ADAMTS20: variants seen among roughly 807,000 people sequenced by gnomAD.
ADAMTS20 encodes the protein A disintegrin and metalloproteinase with thrombospondin motifs 20.
Under a neutral mutation model 260.1 loss-of-function variants are expected in ADAMTS20, and 225 were observed. The observed-to-expected ratio is 0.87, with a 90% confidence interval of 0.78 to 0.97. The LOEUF is 0.97. Among genes scored for constraint, ADAMTS20 ranks in the 50% least tolerant of loss-of-function variants. The probability of loss-of-function intolerance (pLI) is 0.00; values close to 1 mark genes in which losing one functional copy is unlikely to be tolerated. For missense variants in ADAMTS20, 2,400 were observed against 2,337.7 expected (o/e 1.03, Z -0.55); for synonymous variants, 802 against 769.5 (o/e 1.04, Z -0.70).
chr12:43,445,807 G>T (rs1382662979), intron 15 of ADAMTS20, among the ~76,000 whole-genome samples: 1 of 152,082 alleles, frequency 6.6e-6, no homozygotes, highest in African/African-American at 2.4e-5. Context: ...AGCTATGATT[G>T]TGCCACTGTA....
chr12:43,449,502 C>T lies in ADAMTS20; in HGVS notation c.2079+2772G>A, dbSNP rs186094459. ...CCTGCTGAGGGTGGAGGGTAGGAGGCGCGAGAGGATCAGAAAAAGTAACTA... is the reference window on the plus strand; with the variant it reads ...CCTGCTGAGGGTGGAGGGTAGGAGGTGCGAGAGGATCAGAAAAAGTAACTA... On this transcript the variant is annotated intron_variant, in intron 14 of 38. Transcript: ENST00000389420. 2.5e-3 allele frequency among the ~76,000 whole-genome samples: 380 copies of T among 151,766 alleles called. 3 individuals are homozygous for T. The highest frequency in any genetic ancestry group is 4.1e-3 in the Non-Finnish European group (280 of 67,890).
At chr12:43,496,475 G>A (rs902430626) in intron 4 of ADAMTS20, among the ~76,000 whole-genome samples, 3 of 152,148 alleles carry the variant, frequency 2.0e-5, no homozygotes, top group Non-Finnish European at 4.4e-5. Flanking sequence ...TCAAAACCCT[G>A]CTGCAACACA....
intron 36 of ADAMTS20, among the ~76,000 whole-genome samples, chr12:43,373,823 GCGCC>G (rs1940161122): frequency 6.7e-6 from 1 of 150,040 alleles, no homozygotes; most frequent in East Asian, 1.9e-4. Context: ...GGGACTACAG[GCGCC>G]CGCCACTACG....
At chr12:43,443,003 G>A (rs1941696127) in intron 16 of ADAMTS20, among the ~76,000 whole-genome samples, 1 of 152,054 alleles carries the variant, frequency 6.6e-6, no homozygotes, top group Non-Finnish European at 1.5e-5. Flanking sequence ...GAGATAGGCT[G>A]TTCATTATAG....
rs1592035309 is a variant in ADAMTS20, at chr12:43,377,442, C to T, written c.4918G>A (p.Val1640Met). ...RPIVYQECPV[V>M]PSSQVYQCIN... ...CATTGGTAAACCTGAGAGGAAGGCA[C>T]CACAGGGCATTCTTGATAAACTATA... The change falls in exon 32 of 39, where the codon GTG (valine) becomes ATG (methionine). Residue 1640 changes from valine (V) to methionine (M), a missense_variant. Val to Met is a conservative substitution (Grantham distance 21). Coordinates refer to ENST00000389420, the MANE Select transcript of ADAMTS20 (RefSeq NM_025003.5). 6.2e-7 allele frequency: 1 copy of T among 1,613,504 alleles called. No homozygotes were observed. The highest frequency in any genetic ancestry group is 8.5e-7 in the Non-Finnish European group (1 of 1,179,698).
intron 7 of ADAMTS20, among the ~76,000 whole-genome samples, chr12:43,479,625 A>G (rs1178924080): frequency 6.6e-6 from 1 of 152,122 alleles, no homozygotes; most frequent in Non-Finnish European, 1.5e-5. Context: ...TGATTTACAT[A>G]CATTTAGAAT....
At chr12:43,360,746 G>A (rs1360644457) in intron 37 of ADAMTS20, among the ~76,000 whole-genome samples, 2 of 152,096 alleles carry the variant, frequency 1.3e-5, no homozygotes, top group Admixed American at 1.3e-4. Flanking sequence ...TAACAAGAGA[G>A]ATCACATGAA....
intron 2 of ADAMTS20, among the ~76,000 whole-genome samples, chr12:43,545,864 C>A (rs1943435163): frequency 6.6e-6 from 1 of 152,064 alleles, no homozygotes. Context: ...ACAGACACTT[C>A]CCCTAACTAA....
chr12:43,391,496 A>G (rs1488268924), intron 29 of ADAMTS20, among the ~76,000 whole-genome samples: 1 of 152,206 alleles, frequency 6.6e-6, no homozygotes, highest in East Asian at 1.9e-4. Flanking sequence ...GTAAAGCCAT[A>G]TAATAACAGA....
Position 43,492,690 on chromosome 12 carries a change from G to A in ADAMTS20, c.952-61C>T, listed in dbSNP as rs12304127. 14 of 1,578,872 alleles carry A rather than the reference G, an allele frequency of 8.9e-6. No individual in the cohort carries two copies. The African/African-American group carries it at 1.5e-4, about 17-fold the overall frequency. The stretch of plus-strand genomic sequence containing the variant: ...TATTAACGTCCTCTTTTCCTTCCAA[G>A]TTTATCAGCATCTGCACAATTTATC... On this transcript the variant is annotated intron_variant, in intron 5 of 38. Coordinates refer to ENST00000389420, the MANE Select transcript of ADAMTS20 (RefSeq NM_025003.5).
intron 11 of ADAMTS20, among the ~76,000 whole-genome samples, chr12:43,462,520 G>C (rs1183572637): frequency 2.6e-5 from 4 of 152,118 alleles, no homozygotes; most frequent in African/African-American, 4.8e-5. Flanking sequence ...TGTATTAACG[G>C]AATTTTAAGG....
intron 29 of ADAMTS20, among the ~76,000 whole-genome samples, chr12:43,395,510 T>C (rs977684404): frequency 4.0e-5 from 6 of 151,642 alleles, no homozygotes; most frequent in Non-Finnish European, 7.4e-5. Flanking sequence ...GGGCTTTGGG[T>C]GGGGAGCACT....
intron 35 of ADAMTS20, 87 bp from the exon 36 acceptor site, chr12:43,375,599 A>T: frequency 7.2e-7 from 1 of 1,392,840 alleles, no homozygotes; most frequent in Non-Finnish European, 1.0e-6. Flanking sequence ...AATAAAACAC[A>T]CTCCTGCTCT....
intron 31 of ADAMTS20, among the ~76,000 whole-genome samples, chr12:43,378,590 C>A (rs894445898): frequency 3.9e-5 from 6 of 152,134 alleles, no homozygotes; most frequent in African/African-American, 1.2e-4. Context: ...TGTTCTCCAA[C>A]AAAATTAATG....
intron 36 of ADAMTS20, among the ~76,000 whole-genome samples, chr12:43,371,096 C>T (rs910766271): frequency 1.3e-5 from 2 of 152,152 alleles, no homozygotes; most frequent in African/African-American, 2.4e-5. Flanking sequence ...CTGCTCCCTG[C>T]GAACTTTTCT....
chr12:43,408,375 T>C (rs1176755863), intron 28 of ADAMTS20, among the ~76,000 whole-genome samples: 1 of 152,148 alleles, frequency 6.6e-6, no homozygotes, highest in Non-Finnish European at 1.5e-5. Context: ...TACAAAAATA[T>C]TGTCTTTTAA....
intron 3 of ADAMTS20, among the ~76,000 whole-genome samples, chr12:43,514,361 G>A (rs901996856): frequency 1.3e-4 from 19 of 151,636 alleles, no homozygotes; most frequent in African/African-American, 4.1e-4. Flanking sequence ...TCAGAAGATC[G>A]AGACCATCCT....
At chr12:43,460,577 A>T (rs1163796563) in intron 11 of ADAMTS20, among the ~76,000 whole-genome samples, 1 of 152,196 alleles carries the variant, frequency 6.6e-6, no homozygotes, top group African/African-American at 2.4e-5. Context: ...ATAATCCAGC[A>T]ATTCTACACC....
chr12:43,420,833 G>T (rs1389852323), intron 28 of ADAMTS20, among the ~76,000 whole-genome samples: 2 of 55,860 alleles, frequency 3.6e-5, no homozygotes, highest in East Asian at 2.4e-3. Context: ...TTTGAGATGG[G>T]GTCTCGGTCT....
Sources: gnomAD v4.1 joint callset for allele counts (sites outside exome capture counted in the v4.1 genomes callset) on GRCh38, gnomAD v4.1.1 for gene constraint, MANE v1.5 for transcripts, NCBI Gene and HGNC (gene_info 2026-07-23, HGNC 2026-07-21) for gene names.